CSMD2: variants seen among roughly 807,000 people sequenced by gnomAD.
The protein encoded by CSMD2 is CUB and Sushi multiple domains 2.
A neutral mutation model predicts 398.5 loss-of-function variants in CSMD2; 130 were observed. The ratio of observed to expected loss-of-function variants is 0.33; its 90% confidence interval spans 0.28 to 0.38. The LOEUF is 0.38. Ranked by LOEUF, CSMD2 falls within the 10% of genes least tolerant of loss-of-function variation. The probability of loss-of-function intolerance (pLI) is 1.00; values close to 1 mark genes in which losing one functional copy is unlikely to be tolerated. For missense variants in CSMD2, 3,829 were observed against 4,764.9 expected (o/e 0.80, Z 5.78); for synonymous variants, 1,828 against 1,908.5 (o/e 0.96, Z 1.10).
At chr1:33,622,687 C>A (rs953579888) in intron 36 of CSMD2, among the ~76,000 whole-genome samples, 2 of 152,216 alleles carry the variant, frequency 1.3e-5, no homozygotes, top group African/African-American at 4.8e-5. Context: ...GATAATTGCC[C>A]TGGCCACTGG....
chr1:33,896,281 C>G (rs538398747), intron 5 of CSMD2, among the ~76,000 whole-genome samples: 1 of 151,996 alleles, frequency 6.6e-6, no homozygotes, highest in Non-Finnish European at 1.5e-5. Context: ...TCTTGGTTCT[C>G]AGCACAGACT....
intron 3 of CSMD2, among the ~76,000 whole-genome samples, chr1:33,944,625 T>A (rs1489607616): frequency 6.6e-6 from 1 of 152,094 alleles, no homozygotes; most frequent in African/African-American, 2.4e-5. Flanking sequence ...GTAGGAGTAG[T>A]GAAAGTAATA....
At chr1:33,685,247 C>T (rs901379430) in intron 25 of CSMD2, among the ~76,000 whole-genome samples, 33 of 152,326 alleles carry the variant, frequency 2.2e-4, no homozygotes, top group African/African-American at 6.5e-4. Flanking sequence ...GCTTCCTGAG[C>T]AGCGGTACCA....
chr1:33,518,092 G>A lies in CSMD2; in HGVS notation c.*53+1373C>T, dbSNP rs961224571. Among the ~76,000 whole-genome samples the A allele has an allele frequency of 3.3e-5, 5 of 152,232 alleles. No homozygotes were observed. The highest frequency in any genetic ancestry group is 7.2e-5 in the African/African-American group (3 of 41,460). On this transcript the variant is annotated intron_variant, in intron 70 of 70. Coordinates refer to ENST00000373381, the MANE Select transcript of CSMD2 (RefSeq NM_001281956.2). The surrounding 1 kb of genome is among the most constrained non-coding windows in gnomAD (Gnocchi z 4.3). ...TGGCCCACTTGGCGGATTTTCCACC[G>A]CCCTCACTGGGAATCCCTACCTGGC...
At chr1:34,099,369 C>T (rs1375205964) in intron 1 of CSMD2, among the ~76,000 whole-genome samples, 2 of 152,148 alleles carry the variant, frequency 1.3e-5, no homozygotes, top group Admixed American at 6.5e-5. Flanking sequence ...TAGAGGGGTA[C>T]ACAGAGTGGT....
intron 25 of CSMD2, among the ~76,000 whole-genome samples, chr1:33,684,858 G>C (rs374056845): frequency 6.6e-6 from 1 of 152,174 alleles, no homozygotes; most frequent in Non-Finnish European, 1.5e-5. Flanking sequence ...ATTGTGTTTC[G>C]TGCATACTTC....
intron 1 of CSMD2, among the ~76,000 whole-genome samples, chr1:34,137,858 T>C (rs1263172909): frequency 1.3e-5 from 2 of 152,240 alleles, no homozygotes; most frequent in East Asian, 3.8e-4. Context: ...GAAACTGCGT[T>C]CACAGAGGTT....
At chr1:33,829,450 T>C (rs1659219524) in intron 6 of CSMD2, among the ~76,000 whole-genome samples, 1 of 152,272 alleles carries the variant, frequency 6.6e-6, no homozygotes, top group Admixed American at 6.5e-5. Flanking sequence ...TGCAGTTTTG[T>C]TACATATATA....
At chr1:33,790,613 A>C (rs1307416137) in intron 11 of CSMD2, among the ~76,000 whole-genome samples, 1 of 150,708 alleles carries the variant, frequency 6.6e-6, no homozygotes, top group East Asian at 1.9e-4. Flanking sequence ...CCAAAATCAC[A>C]TGAGACAATT....
At chr1:33,584,377 A>G (rs949081979) in intron 46 of CSMD2, among the ~76,000 whole-genome samples, 1 of 152,166 alleles carries the variant, frequency 6.6e-6, no homozygotes, top group African/African-American at 2.4e-5. Context: ...TGAGCATTAT[A>G]TAAAATATTA....
intron 5 of CSMD2, chr1:33,860,610 C>G (rs1011071109): frequency 6.6e-6 from 1 of 152,158 alleles, no homozygotes; most frequent in African/African-American, 2.4e-5. Flanking sequence ...CCTATCATTT[C>G]AATTTGTTTA....
intron 1 of CSMD2, among the ~76,000 whole-genome samples, chr1:34,093,996 G>A (rs1295102172): frequency 1.3e-5 from 2 of 151,826 alleles, no homozygotes; most frequent in Non-Finnish European, 2.9e-5. Context: ...AAATGTTAAG[G>A]GCAGCCAGAG....
At chr1:34,081,881 C>T (rs1442644090) in intron 2 of CSMD2, among the ~76,000 whole-genome samples, 2 of 151,670 alleles carry the variant, frequency 1.3e-5, no homozygotes, top group Non-Finnish European at 2.9e-5. Flanking sequence ...ATGTGAGGAG[C>T]CCCTCTGCCC....
chr1:33,548,579 T>G (rs1450753236), intron 56 of CSMD2, among the ~76,000 whole-genome samples: 3 of 152,186 alleles, frequency 2.0e-5, no homozygotes, highest in South Asian at 4.1e-4. Context: ...GAATGTGTAT[T>G]TCATAGGACT....
chr1:33,978,927 A>T (rs1646065157), intron 3 of CSMD2, among the ~76,000 whole-genome samples: 1 of 152,194 alleles, frequency 6.6e-6, no homozygotes, highest in Non-Finnish European at 1.5e-5. Context: ...TCTATTTTAC[A>T]GAAGAGGAAA....
intron 10 of CSMD2, among the ~76,000 whole-genome samples, chr1:33,792,947 C>G (rs938579027): frequency 6.6e-6 from 1 of 152,224 alleles, no homozygotes; most frequent in Admixed American, 6.5e-5. Flanking sequence ...TCTCCTCTGA[C>G]TGCTTTTCTC....
In CSMD2 at chr1:33,829,737, G is replaced by C. The variant is rs188277451; in HGVS notation, c.1034-3963C>G. ...TCACTCGGGAAGTGCAAGGGATCAG[G>C]GAGTTCCCTTTCATGGTCAAGGAAA... On this transcript the variant is annotated intron_variant, in intron 6 of 70. Transcript: ENST00000373381. Among the ~76,000 whole-genome samples the C allele has an allele frequency of 6.6e-5, 10 of 152,336 alleles. No individual in the cohort carries two copies. In the East Asian group the frequency reaches 1.9e-3, roughly 29 times the overall value.
chr1:33,820,793 G>A (rs1233429747), intron 7 of CSMD2, among the ~76,000 whole-genome samples: 11 of 152,032 alleles, frequency 7.2e-5, no homozygotes, highest in Admixed American at 7.2e-4. Context: ...CATCACGAGT[G>A]TGTGGGCTCA....
chr1:33,927,535 A>C (rs1644168508), intron 4 of CSMD2, among the ~76,000 whole-genome samples: 1 of 152,274 alleles, frequency 6.6e-6, no homozygotes, highest in African/African-American at 2.4e-5. Context: ...ACAGATGAGG[A>C]AACAGAGGCT....
Sources: allele counts gnomAD v4.1 joint callset (sites outside exome capture counted in the v4.1 genomes callset), GRCh38; gene constraint gnomAD v4.1.1; non-coding constraint Gnocchi (gnomAD v3.1); transcripts MANE v1.5; gene names NCBI Gene and HGNC (gene_info 2026-07-23, HGNC 2026-07-21).